MAML3: variants seen among roughly 807,000 people sequenced by gnomAD.
MAML3 encodes mastermind like transcriptional coactivator 3.
A neutral mutation model predicts 101.9 loss-of-function variants in MAML3; 27 were observed. That is an observed-to-expected ratio of 0.27 (90% CI 0.20 to 0.37). The LOEUF is 0.37. MAML3 is among the 10% of genes least tolerant of loss of function. MAML3 has a pLI of 1.00. For synonymous variants in MAML3, 501 were observed against 555.9 expected, an observed-to-expected ratio of 0.90 and a Z score of 1.39; for missense variants, 1,316 against 1,444.9, an observed-to-expected ratio of 0.91 and a Z score of 1.45.
At position 139,834,079 on chromosome 4, in the gene MAML3, CT is replaced by C. The variant is rs1240338122; in HGVS notation, c.2079+55277del. 2.6e-5 allele frequency among the ~76,000 whole-genome samples: 4 copies of C among 152,344 alleles called. No individual in the cohort carries two copies. In the South Asian group the frequency reaches 8.3e-4, roughly 32 times the overall value. On this transcript the variant is annotated intron_variant, in intron 2 of 4. Transcript: ENST00000509479. ...CAAAAACCCAAAATCACTTATGTAA[CT>C]TTGTGACAGGCACAAGGGAAATAGA...
chr4:139,814,787 C>A (rs1730866485), intron 2 of MAML3, among the ~76,000 whole-genome samples: 1 of 152,144 alleles, frequency 6.6e-6, no homozygotes, highest in Non-Finnish European at 1.5e-5. Context: ...TTGTGACCCT[C>A]CCTTTGGATT....
chr4:139,907,309 C>T (rs1199857971), intron 1 of MAML3, among the ~76,000 whole-genome samples: 3 of 152,138 alleles, frequency 2.0e-5, no homozygotes, highest in African/African-American at 7.2e-5. Context: ...TACATGATCT[C>T]CAAGGTTTGT....
At chr4:139,914,226 T>C (rs17005225) in intron 1 of MAML3, among the ~76,000 whole-genome samples, 3,078 of 152,260 alleles carry the variant, frequency 0.02, 111 homozygotes, top group African/African-American at 0.069. Flanking sequence ...CACCCCACGT[T>C]GCTATGTGAA....
At chr4:140,134,053 G>T in intron 1 of MAML3, 1 of 453,148 alleles carries the variant, frequency 2.2e-6, no homozygotes, top group South Asian at 1.6e-5. Context: ...CTCCAGGGAG[G>T]TTGTGACAGT....
chr4:140,129,590 C>T (rs1463421041), intron 1 of MAML3, among the ~76,000 whole-genome samples: 1 of 151,980 alleles, frequency 6.6e-6, no homozygotes, highest in African/African-American at 2.4e-5. Context: ...CGTGTAGAAA[C>T]GAAAGGAAGA....
rs369602172 is a variant in MAML3 at position 140,122,220 on chromosome 4, C to CTTTTTTTTTTTTTTTTTT, written c.468+30622_468+30639dup. Among the ~76,000 whole-genome samples, 7 of 124,614 alleles carry CTTTTTTTTTTTTTTTTTT rather than the reference C, an allele frequency of 5.6e-5. 3 individuals are homozygous for CTTTTTTTTTTTTTTTTTT. Among genetic ancestry groups the CTTTTTTTTTTTTTTTTTT allele is most frequent in the African/African-American group, 6.1e-5 (2 of 32,794 alleles). The allele number at this position is 124,614 out of a possible 152,430, so 81.8% of individuals were successfully genotyped here. ...TTCTCACAGGAATAATCAAACGAGA[C>CTTTTTTTTTTTTTTTTTT]TTTTTTTTTTTTTTTTTTTAAACAG... On this transcript the variant is annotated intron_variant, in intron 1 of 4. Coordinates refer to ENST00000509479, the MANE Select transcript of MAML3 (RefSeq NM_018717.5).
At chr4:140,126,759 A>G (rs1728691728) in intron 1 of MAML3, among the ~76,000 whole-genome samples, 1 of 152,194 alleles carries the variant, frequency 6.6e-6, no homozygotes, top group Non-Finnish European at 1.5e-5. Context: ...TACACCCATT[A>G]AACGTCGCAT....
intron 1 of MAML3, among the ~76,000 whole-genome samples, chr4:140,102,522 T>G (rs1260873296): frequency 1.3e-5 from 2 of 152,218 alleles, no homozygotes; most frequent in African/African-American, 2.4e-5. Context: ...TGCTTATGCC[T>G]GATGTCTCTT....
intron 2 of MAML3, among the ~76,000 whole-genome samples, chr4:139,751,297 G>T (rs1729492404): frequency 1.3e-5 from 2 of 152,162 alleles, no homozygotes; most frequent in Admixed American, 1.3e-4. Flanking sequence ...AAATATTTGG[G>T]ATCAGAAGTA....
intron 1 of MAML3, among the ~76,000 whole-genome samples, chr4:139,923,395 G>T (rs1733163627): frequency 1.3e-5 from 2 of 152,116 alleles, no homozygotes; most frequent in Non-Finnish European, 2.9e-5. Flanking sequence ...GAGGCATTAT[G>T]ATTTTACATA....
At chr4:140,077,423 C>T (rs1231608048) in intron 1 of MAML3, among the ~76,000 whole-genome samples, 1 of 152,208 alleles carries the variant, frequency 6.6e-6, no homozygotes, top group African/African-American at 2.4e-5. Flanking sequence ...CATCACTCCA[C>T]TGGGAAGGCC....
chr4:139,768,824 G>A (rs1729916369), intron 2 of MAML3, among the ~76,000 whole-genome samples: 1 of 152,144 alleles, frequency 6.6e-6, no homozygotes, highest in South Asian at 2.1e-4. Context: ...GGAATGCTGG[G>A]CATTCACTCT....
chr4:140,122,588 C>A (rs1050927951), intron 1 of MAML3, among the ~76,000 whole-genome samples: 5 of 151,592 alleles, frequency 3.3e-5, no homozygotes, highest in Non-Finnish European at 7.4e-5. Flanking sequence ...GTCAGGAGAT[C>A]GAGACCATCC....
At position 139,878,423 on chromosome 4, in the gene MAML3, A is replaced by G. The variant is rs149692498; in HGVS notation, c.2079+10934T>C. Among the ~76,000 whole-genome samples the G allele has an allele frequency of 7.4e-4, 112 of 152,182 alleles. 1 individual carries two copies. Among genetic ancestry groups the G allele is most frequent in the African/African-American group, 2.6e-3 (107 of 41,514 alleles). On this transcript the variant is annotated intron_variant, in intron 2 of 4. Transcript: ENST00000509479. ...CACATTGCTGGACACTCTAGGTTAC[A>G]CTGTTTTGGTATCTTGCTTTGGTCC... is the stretch of plus-strand genomic sequence containing the variant.
At chr4:139,826,403 T>G (rs1244314602) in intron 2 of MAML3, among the ~76,000 whole-genome samples, 1 of 152,158 alleles carries the variant, frequency 6.6e-6, no homozygotes, top group Non-Finnish European at 1.5e-5. Flanking sequence ...ATTATTCACC[T>G]GCTGGGTGAA....
rs1292329136 is a variant in MAML3, at chr4:139,785,280, G to A, written c.2080-54613C>T. On this transcript the variant is annotated intron_variant, in intron 2 of 4. Transcript: ENST00000509479. This position sits in a 1 kb window ranked among gnomAD's most constrained non-coding sequence, Gnocchi z 4.3. ...ATACCAAGACCGAGGACATGGATGG[G>A]GTTTTGCTGTTTACATGCTTAAAAT... Among the ~76,000 whole-genome samples the A allele has an allele frequency of 6.6e-6, 1 of 152,188 alleles. No individual in the cohort carries two copies. Among genetic ancestry groups the A allele is most frequent in the Non-Finnish European group, 1.5e-5 (1 of 68,038 alleles).
chr4:139,767,394 G>A (rs57319093), intron 2 of MAML3, among the ~76,000 whole-genome samples: 4,002 of 152,290 alleles, frequency 0.026, 178 homozygotes, highest in African/African-American at 0.089. Flanking sequence ...TGTCTTAAAA[G>A]CTATTTATAG....
chr4:139,801,294 T>C (rs1333794011), intron 2 of MAML3, among the ~76,000 whole-genome samples: 1 of 152,234 alleles, frequency 6.6e-6, no homozygotes, highest in Non-Finnish European at 1.5e-5. Flanking sequence ...AACATACATA[T>C]ATACTAAAGA....
intron 1 of MAML3, among the ~76,000 whole-genome samples, chr4:140,006,308 G>A (rs958393203): frequency 6.6e-6 from 1 of 152,052 alleles, no homozygotes; most frequent in African/African-American, 2.4e-5. Flanking sequence ...GAAACAGGCC[G>A]GGTGCGGTTG....
Sources: allele counts gnomAD v4.1 joint callset (sites outside exome capture counted in the v4.1 genomes callset), GRCh38; gene constraint gnomAD v4.1.1; non-coding constraint Gnocchi (gnomAD v3.1); transcripts MANE v1.5; gene names NCBI Gene and HGNC (gene_info 2026-07-23, HGNC 2026-07-21).